Variants in SRRM4 observed in about 807,000 individuals in gnomAD.
The protein encoded by SRRM4 is serine/arginine repetitive matrix protein 4.
SRRM4 carries 33 observed loss-of-function variants against 68.9 expected under a neutral mutation model. The observed-to-expected ratio is 0.48, with a 90% confidence interval of 0.36 to 0.64. The LOEUF (loss-of-function observed/expected upper bound fraction) is 0.64, where lower values mean the gene tolerates loss of function less well. Among genes scored for constraint, SRRM4 ranks in the 30% least tolerant of loss-of-function variants. The pLI is 0.00. For missense variants in SRRM4, 817 were observed against 827.1 expected, an observed-to-expected ratio of 0.99 and a Z score of 0.15; for synonymous variants, 318 against 318.8, an observed-to-expected ratio of 1.00 and a Z score of 0.03.
intron 1 of SRRM4, among the ~76,000 whole-genome samples, chr12:119,090,377 G>A (rs1367288162): frequency 6.6e-6 from 1 of 152,112 alleles, no homozygotes; most frequent in Non-Finnish European, 1.5e-5. Flanking sequence ...ATAGGACAGG[G>A]GAAGAAAGCT....
intron 2 of SRRM4, among the ~76,000 whole-genome samples, chr12:119,110,047 C>T (rs1592901451): frequency 6.6e-6 from 1 of 152,196 alleles, no homozygotes; most frequent in East Asian, 1.9e-4. Flanking sequence ...TTCTAACAGT[C>T]AGGACCCTCA....
At chr12:119,151,960 T>C (rs1801453273) in intron 10 of SRRM4, among the ~76,000 whole-genome samples, 1 of 152,218 alleles carries the variant, frequency 6.6e-6, no homozygotes, top group African/African-American at 2.4e-5. Context: ...CAAAGTCACA[T>C]TGCAGGGGAT....
chr12:119,009,037 C>G (rs1389703762), intron 1 of SRRM4, among the ~76,000 whole-genome samples: 4 of 151,266 alleles, frequency 2.6e-5, no homozygotes, highest in Non-Finnish European at 5.9e-5. Flanking sequence ...ACCGGTCACA[C>G]GCTGGCGGTC....
At chr12:119,108,731 G>A (rs1954124048) in intron 2 of SRRM4, among the ~76,000 whole-genome samples, 1 of 151,982 alleles carries the variant, frequency 6.6e-6, no homozygotes, top group Admixed American at 6.6e-5. Context: ...GGTGAGATGG[G>A]TCTCTTGAAT....
At chr12:119,018,301 A>G (rs1307652693) in intron 1 of SRRM4, among the ~76,000 whole-genome samples, 5 of 152,224 alleles carry the variant, frequency 3.3e-5, no homozygotes, top group African/African-American at 9.6e-5. Context: ...GTCCTTGGGC[A>G]TGCACAGTTA....
At chr12:119,151,776 C>G (rs953431465) in intron 10 of SRRM4, among the ~76,000 whole-genome samples, 1 of 152,182 alleles carries the variant, frequency 6.6e-6, no homozygotes, top group African/African-American at 2.4e-5. Flanking sequence ...CCTCCTCCAG[C>G]AGGCCTGTCT....
intron 1 of SRRM4, among the ~76,000 whole-genome samples, chr12:119,005,859 G>A (rs1034471500): frequency 6.6e-5 from 10 of 152,138 alleles, no homozygotes; most frequent in Admixed American, 2.6e-4. Context: ...GTTGAATTAG[G>A]ATTCGGGAGA....
rs373135205 is a variant in SRRM4 at position 118,981,869 on chromosome 12, C to G, written c.-14C>G. 1.2e-5 allele frequency: 20 copies of G among 1,612,774 alleles called. No individual in the cohort carries two copies. Among genetic ancestry groups the G allele is most frequent in the Non-Finnish European group, 1.5e-5 (18 of 1,179,356 alleles). On this transcript the variant is annotated 5_prime_UTR_variant, in exon 1 of 13. Transcript: ENST00000267260. ...GGACAGCGCCCCGGACGCCCCGGCCCCTTTGGGTTGGCGATGGCGAGCGTT... is the reference window on the plus strand; with the variant it reads ...GGACAGCGCCCCGGACGCCCCGGCCGCTTTGGGTTGGCGATGGCGAGCGTT...
chr12:119,020,883 A>ACGAGAGAATAGCCC (rs1305493918), intron 1 of SRRM4, among the ~76,000 whole-genome samples: 2 of 152,208 alleles, frequency 1.3e-5, no homozygotes, highest in Non-Finnish European at 2.9e-5. Context: ...TTCTCTTCCA[A>ACGAGAGAATAGCCC]CGAGAGAATA....
At chr12:118,990,279 G>A (rs1168370886) in intron 1 of SRRM4, among the ~76,000 whole-genome samples, 1 of 152,164 alleles carries the variant, frequency 6.6e-6, no homozygotes, top group Non-Finnish European at 1.5e-5. Flanking sequence ...ATCACAGAGG[G>A]GAGGTAAGCC....
chr12:119,009,005 CA>C (rs1422996308), intron 1 of SRRM4, among the ~76,000 whole-genome samples: 5 of 152,004 alleles, frequency 3.3e-5, no homozygotes, highest in Non-Finnish European at 5.9e-5. Context: ...CCGTGGCCCC[CA>C]GCCCAAAGGG....
At chr12:119,084,429 A>G (rs1592892157) in intron 1 of SRRM4, among the ~76,000 whole-genome samples, 1 of 152,198 alleles carries the variant, frequency 6.6e-6, no homozygotes, top group South Asian at 2.1e-4. Flanking sequence ...GCCCTTCAGT[A>G]CCTGCCTATC....
At chr12:119,128,825 A>C (rs997554311) in intron 7 of SRRM4, among the ~76,000 whole-genome samples, 13 of 152,356 alleles carry the variant, frequency 8.5e-5, no homozygotes, top group Admixed American at 8.5e-4. Flanking sequence ...TTAGCAACTT[A>C]CCTGTTAAAT....
At chr12:119,012,369 A>G (rs144223764) in intron 1 of SRRM4, among the ~76,000 whole-genome samples, 83 of 152,306 alleles carry the variant, frequency 5.4e-4, no homozygotes, top group African/African-American at 2.0e-3. Flanking sequence ...GCCATGATAT[A>G]TCTCCCGAGA....
chr12:119,019,945 C>T (rs1354880952), intron 1 of SRRM4, among the ~76,000 whole-genome samples: 1 of 91,666 alleles, frequency 1.1e-5, no homozygotes, highest in Admixed American at 1.2e-4. Context: ...ACAGTTCCCC[C>T]CGCTCCCCCC....
At chr12:119,044,118 C>T (rs978963210) in intron 1 of SRRM4, among the ~76,000 whole-genome samples, 3 of 152,192 alleles carry the variant, frequency 2.0e-5, no homozygotes, top group African/African-American at 7.2e-5. Context: ...CCACACGCCT[C>T]GGCCTCCCGA....
At chr12:119,118,460 G>T in intron 4 of SRRM4, among the ~76,000 whole-genome samples, 1 of 152,224 alleles carries the variant, frequency 6.6e-6, no homozygotes, top group Non-Finnish European at 1.5e-5. Context: ...TCTCAGTGCT[G>T]GTTGCTAGAG....
Position 119,156,700 on chromosome 12 carries a change from C to T in SRRM4, c.1738C>T (p.Arg580Cys), listed in dbSNP as rs1050478347. ...CTCCCGCAGCCCTAGTCCGGGCTCCCGCAGCCGGAGCCGGAGCAGGAGCCG... is the reference window on the plus strand; with the variant it reads ...CTCCCGCAGCCCTAGTCCGGGCTCCTGCAGCCGGAGCCGGAGCAGGAGCCG... ...SSSRSPSPGS[R>C]SRSRSRSRSR... Residue 580 changes from arginine (R) to cysteine (C), a missense_variant, in exon 13 of 13, where the codon CGC becomes TGC. Coordinates refer to ENST00000267260, the MANE Select transcript of SRRM4 (RefSeq NM_194286.4). 5.8e-6 allele frequency: 9 copies of T among 1,548,872 alleles called. No individual in the cohort carries two copies. Among genetic ancestry groups the T allele is most frequent in the East Asian group, 2.4e-5 (1 of 41,014 alleles).
intron 1 of SRRM4, among the ~76,000 whole-genome samples, chr12:119,040,901 C>T (rs1317625850): frequency 6.6e-6 from 1 of 151,732 alleles, no homozygotes; most frequent in African/African-American, 2.4e-5. Flanking sequence ...AGGCAAGTGC[C>T]ACAATGCTCG....
Sources: gnomAD v4.1 joint callset for allele counts (sites outside exome capture counted in the v4.1 genomes callset) on GRCh38, gnomAD v4.1.1 for gene constraint, MANE v1.5 for transcripts, NCBI Gene and HGNC (gene_info 2026-07-23, HGNC 2026-07-21) for gene names.